Variants in BCAT1 observed in about 807,000 individuals in gnomAD.
BCAT1 encodes branched-chain-amino-acid aminotransferase, cytosolic.
A neutral mutation model predicts 52.4 loss-of-function variants in BCAT1; 48 were observed. That is an observed-to-expected ratio of 0.92 (90% CI 0.73 to 1.16). The LOEUF is 1.16. Among genes scored for constraint, BCAT1 ranks in the 50% most tolerant of loss-of-function variants. BCAT1 has a pLI of 0.00. For missense variants in BCAT1, 451 were observed against 457.1 expected (o/e 0.99, Z 0.12); for synonymous variants, 167 against 161.3 (o/e 1.04, Z -0.27).
chr12:24,828,389 GA>G (rs1017001377), intron 10 of BCAT1, among the ~76,000 whole-genome samples: 1 of 151,016 alleles, frequency 6.6e-6, no homozygotes, highest in Non-Finnish European at 1.5e-5. Context: ...TTATTGCTCA[GA>G]AAAAAAATAG....
chr12:24,934,467 A>G (rs1943723863), intron 1 of BCAT1, among the ~76,000 whole-genome samples: 1 of 152,232 alleles, frequency 6.6e-6, no homozygotes, highest in Admixed American at 6.5e-5. Context: ...TGCTTACATA[A>G]TGAGTACTCC....
At chr12:24,918,751 C>T (rs982796629) in intron 1 of BCAT1, among the ~76,000 whole-genome samples, 1 of 152,146 alleles carries the variant, frequency 6.6e-6, no homozygotes, top group Non-Finnish European at 1.5e-5. Context: ...GTGACCTGAT[C>T]GAGGACCTGG....
At chr12:24,866,306 C>T (rs376350319) in intron 5 of BCAT1, among the ~76,000 whole-genome samples, 32 of 152,190 alleles carry the variant, frequency 2.1e-4, no homozygotes, top group African/African-American at 7.7e-4. Context: ...CCAGATTTCT[C>T]GCCAGGCCTT....
intron 7 of BCAT1, among the ~76,000 whole-genome samples, chr12:24,838,540 C>T (rs1941074034): frequency 6.6e-6 from 1 of 151,880 alleles, no homozygotes; most frequent in Non-Finnish European, 1.5e-5. Flanking sequence ...CTTCCAGTGC[C>T]CCCAAACCGG....
In BCAT1 at chr12:24,878,646, A is replaced by G. The variant is rs776549575; in HGVS notation, c.394T>C (p.Phe132Leu). Residue 132 changes from phenylalanine to leucine, a missense_variant, in exon 5 of 11, where the codon TTT (phenylalanine) becomes CTT (leucine). Physicochemically the swap from Phe to Leu is conservative, Grantham distance 22. Coordinates refer to ENST00000261192, the MANE Select transcript of BCAT1 (RefSeq NM_005504.7). ...RSAVRATLPV[F>L]DKEELLECIQ... is the part of the protein sequence containing the mutation. ...CACTCTAAGAGCTCTTCTTTGTCAA[A>G]TACCTGAAAGAATGAAAAACATAAT... is the stretch of plus-strand genomic sequence containing the variant. 1 of 1,599,488 alleles carries G rather than the reference A, an allele frequency of 6.3e-7. No individual in the cohort carries two copies. Among genetic ancestry groups the G allele is most frequent in the East Asian group, 2.2e-5 (1 of 44,694 alleles).
chr12:24,934,270 T>C (rs1054224958), intron 1 of BCAT1, among the ~76,000 whole-genome samples: 2 of 152,372 alleles, frequency 1.3e-5, no homozygotes, highest in East Asian at 3.9e-4. Context: ...CCATGTAAGA[T>C]GTGCCTTGCT....
In BCAT1 at chr12:24,811,860, T is replaced by G. The variant is rs1240081153; in HGVS notation, c.*6148A>C. ...AGGTTCTAACAATTTCATAATTAAG[T>G]TGATATTCTGTTTCTATCTATAAGC... On this transcript the variant is annotated 3_prime_UTR_variant, in exon 11 of 11. Coordinates refer to ENST00000261192, the MANE Select transcript of BCAT1 (RefSeq NM_005504.7). 13 of 152,128 alleles carry G rather than the reference T, an allele frequency of 8.5e-5. No homozygotes were observed. Among genetic ancestry groups the G allele is most frequent in the African/African-American group, 3.1e-4 (13 of 41,464 alleles). 9.4% of individuals were successfully genotyped at this position (152,128 alleles called of 1,614,324 possible).
chr12:24,947,157 C>CG (rs2083919858), intron 1 of BCAT1, among the ~76,000 whole-genome samples: 1 of 142,780 alleles, frequency 7.0e-6, no homozygotes, highest in Non-Finnish European at 1.5e-5. Flanking sequence ...CTAGGCCTCC[C>CG]GTCTTCCCTC....
In BCAT1 at chr12:24,816,167, G is replaced by C. The variant is rs1939867694; in HGVS notation, c.*1841C>G. 4.7e-6 allele frequency: 1 copy of C among 213,638 alleles called. No individual in the cohort carries two copies. The highest frequency in any genetic ancestry group is 9.1e-6 in the Non-Finnish European group (1 of 109,366). 13.2% of individuals were successfully genotyped at this position (213,638 alleles called of 1,614,324 possible). On this transcript the variant is annotated 3_prime_UTR_variant, in exon 11 of 11. Transcript: ENST00000261192. ...TCTCAATTTTCATTTTACTATCCCT[G>C]TCTATAAAAGACCCTATGGCTAAAA...
Position 24,810,132 on chromosome 12 carries a change from G to A in BCAT1, c.*7876C>T, listed in dbSNP as rs2139272148. The A allele has an allele frequency of 6.6e-6, 1 of 152,254 alleles. No individual in the cohort carries two copies. Among genetic ancestry groups the A allele is most frequent in the Non-Finnish European group, 1.5e-5 (1 of 68,032 alleles). 9.4% of individuals were successfully genotyped at this position (152,254 alleles called of 1,614,324 possible). A position where few individuals can be genotyped will look rare whatever the true frequency, so the allele number is the denominator to read the frequency against. On this transcript the variant is annotated 3_prime_UTR_variant, in exon 11 of 11. Transcript: ENST00000261192. ...ATGATCATGGGTTTTGATCAACACT[G>A]TCGCGATTGCATACAGACATAGCTA...
chr12:24,825,788 C>T (rs1470526776), intron 10 of BCAT1, among the ~76,000 whole-genome samples: 1 of 152,164 alleles, frequency 6.6e-6, no homozygotes, highest in Non-Finnish European at 1.5e-5. Flanking sequence ...CAAATATTTT[C>T]ATCCATTCTT....
intron 1 of BCAT1, among the ~76,000 whole-genome samples, chr12:24,927,230 C>T (rs1943603546): frequency 6.6e-6 from 1 of 151,862 alleles, no homozygotes. Flanking sequence ...ATCACTTGAA[C>T]CCAGGAGATG....
intron 1 of BCAT1, among the ~76,000 whole-genome samples, chr12:24,912,290 G>A (rs547713819): frequency 1.6e-4 from 25 of 152,030 alleles, no homozygotes; most frequent in Non-Finnish European, 2.5e-4. Context: ...CGAGGCGGGC[G>A]GATCACGAGG....
chr12:24,938,963 C>T (rs1252499002), intron 1 of BCAT1, among the ~76,000 whole-genome samples: 2 of 152,126 alleles, frequency 1.3e-5, no homozygotes, highest in African/African-American at 4.8e-5. Context: ...TAGCCTCCAC[C>T]TCCCAGGTTC....
At position 24,816,519 on chromosome 12, in the gene BCAT1, T is replaced by C. The variant is rs936831912; in HGVS notation, c.*1489A>G. ...GCATCCTAACCACTTGCTCATCAAATCTCCATTCAAAGAAAAGAGCACCTG... is the reference window on the plus strand; with the variant it reads ...GCATCCTAACCACTTGCTCATCAAACCTCCATTCAAAGAAAAGAGCACCTG... On this transcript the variant is annotated 3_prime_UTR_variant, in exon 11 of 11. Coordinates refer to ENST00000261192, the MANE Select transcript of BCAT1 (RefSeq NM_005504.7). 2 of 394,314 alleles carry C rather than the reference T, an allele frequency of 5.1e-6. No homozygotes were observed. Among genetic ancestry groups the C allele is most frequent in the South Asian group, 2.6e-4 (2 of 7,778 alleles). The allele number at this position is 394,314 out of a possible 1,614,324, so 24.4% of individuals were successfully genotyped here. A position where few individuals can be genotyped will look rare whatever the true frequency, so the allele number is the denominator to read the frequency against.
intron 7 of BCAT1, among the ~76,000 whole-genome samples, chr12:24,837,096 A>AAAGGAAGG (rs747486643): frequency 0.18 from 16,963 of 91,838 alleles, 3,032 homozygotes; most frequent in Non-Finnish European, 0.27. Flanking sequence ...AGGGAGGGAG[A>AAAGGAAGG]AAGGAAGGAA....
chr12:24,943,888 G>C (rs1057210499), intron 1 of BCAT1, among the ~76,000 whole-genome samples: 6 of 152,126 alleles, frequency 3.9e-5, no homozygotes, highest in Admixed American at 2.0e-4. Context: ...GGAAGCTGAG[G>C]CAGGAGAATG....
At chr12:24,839,869 T>C (rs1297382629) in intron 7 of BCAT1, among the ~76,000 whole-genome samples, 1 of 152,254 alleles carries the variant, frequency 6.6e-6, no homozygotes, top group East Asian at 1.9e-4. Context: ...CAAAGTTACT[T>C]CAGAATTGCA....
At position 24,859,966 on chromosome 12, in the gene BCAT1, A is replaced by C. The variant is rs74396569; in HGVS notation, c.511-10017T>G. 5.6e-3 allele frequency among the ~76,000 whole-genome samples: 849 copies of C among 152,320 alleles called. 5 individuals carry two copies. Among genetic ancestry groups the C allele is most frequent in the Non-Finnish European group, 9.5e-3 (647 of 68,028 alleles). Reference sequence around the variant, plus strand: ...TGGTATGTGCTCCAAAATTATGGGAAACTCCTAAATTCTGATATGACTTAG... The same window carrying C: ...TGGTATGTGCTCCAAAATTATGGGACACTCCTAAATTCTGATATGACTTAG... On this transcript the variant is annotated intron_variant, in intron 5 of 10. Coordinates refer to ENST00000261192, the MANE Select transcript of BCAT1 (RefSeq NM_005504.7).
Sources: allele counts gnomAD v4.1 joint callset (sites outside exome capture counted in the v4.1 genomes callset), GRCh38; gene constraint gnomAD v4.1.1; transcripts MANE v1.5; gene names NCBI Gene and HGNC (gene_info 2026-07-23, HGNC 2026-07-21).